Variants in RBFOX1 observed in about 807,000 individuals in gnomAD.
RBFOX1 encodes the protein RNA binding protein fox-1 homolog 1.
RBFOX1 carries 8 observed loss-of-function variants against 57.7 expected under a neutral mutation model. The observed-to-expected ratio is 0.14, with a 90% CI of 0.08 to 0.25. The LOEUF is 0.25. Ranked by LOEUF, RBFOX1 falls within the 10% of genes least tolerant of loss-of-function variation. The pLI, the probability that RBFOX1 is intolerant of heterozygous loss-of-function variation, is 1.00. For synonymous variants in RBFOX1, 326 were observed against 222.4 expected (o/e 1.47, Z -4.15); for missense variants, 611 against 548.5 (o/e 1.11, Z -1.14).
intron 10 of RBFOX1, among the ~76,000 whole-genome samples, chr16:7,616,451 C>T (rs547292208): frequency 1.4e-4 from 21 of 152,352 alleles, no homozygotes; most frequent in Non-Finnish European, 2.4e-4. Context: ...ACTCTCAAAC[C>T]TCAGCCCATG....
At chr16:5,738,961 G>C (rs558505400) in intron 3 of RBFOX1, among the ~76,000 whole-genome samples, 1 of 148,494 alleles carries the variant, frequency 6.7e-6, no homozygotes, top group African/African-American at 2.5e-5. Flanking sequence ...CTCTGACAAA[G>C]AACAGGCTAA....
chr16:7,247,239 A>T (rs750015915), intron 4 of RBFOX1, among the ~76,000 whole-genome samples: 1 of 152,106 alleles, frequency 6.6e-6, no homozygotes, highest in South Asian at 2.1e-4. Context: ...AGAAACTTCT[A>T]TTGTGCAAAC....
intron 3 of RBFOX1, among the ~76,000 whole-genome samples, chr16:6,728,496 G>T (rs1175215453): frequency 2.0e-5 from 3 of 152,180 alleles, no homozygotes; most frequent in African/African-American, 7.2e-5. Flanking sequence ...ATAAAGGGAA[G>T]ATAAAGTTTT....
At chr16:5,407,966 A>T (rs2066910661) in intron 1 of RBFOX1, among the ~76,000 whole-genome samples, 1 of 152,372 alleles carries the variant, frequency 6.6e-6, no homozygotes, top group Admixed American at 6.5e-5. Context: ...GAACAGCCTT[A>T]GGAAGATTCT....
intron 2 of RBFOX1, among the ~76,000 whole-genome samples, chr16:5,473,812 G>C (rs1304188425): frequency 3.3e-5 from 5 of 151,286 alleles, no homozygotes; most frequent in African/African-American, 1.2e-4. Flanking sequence ...GAAGGTGGGT[G>C]GGTGGAAGGA....
chr16:5,655,299 T>C (rs2049388826), intron 3 of RBFOX1, among the ~76,000 whole-genome samples: 2 of 152,168 alleles, frequency 1.3e-5, no homozygotes, highest in South Asian at 4.1e-4. Flanking sequence ...GTGGACTTGA[T>C]AGTTTTCACC....
intron 4 of RBFOX1, among the ~76,000 whole-genome samples, chr16:7,214,463 C>G (rs1055723495): frequency 6.6e-6 from 1 of 151,996 alleles, no homozygotes. Context: ...CTTGCCATGC[C>G]TCTCCGATCC....
chr16:7,634,190 C>G (rs568480842), intron 11 of RBFOX1, among the ~76,000 whole-genome samples: 1 of 152,256 alleles, frequency 6.6e-6, no homozygotes, highest in East Asian at 1.9e-4. Flanking sequence ...GTGTAGGATG[C>G]TCTTGTTTTT....
intron 1 of RBFOX1, among the ~76,000 whole-genome samples, chr16:6,061,654 A>C (rs188541811): frequency 6.6e-6 from 1 of 152,210 alleles, no homozygotes; most frequent in East Asian, 1.9e-4. Flanking sequence ...TTAACAATAT[A>C]AATAAATCTC....
intron 5 of RBFOX1, among the ~76,000 whole-genome samples, chr16:7,557,537 T>C (rs1042754763): frequency 2.8e-5 from 4 of 142,878 alleles, no homozygotes; most frequent in Admixed American, 2.2e-4. Context: ...GGAGAGTCAC[T>C]TGAACCTGGG....
At chr16:6,997,169 G>A (rs532240818) in intron 3 of RBFOX1, among the ~76,000 whole-genome samples, 1 of 152,188 alleles carries the variant, frequency 6.6e-6, no homozygotes, top group African/African-American at 2.4e-5. Flanking sequence ...AAATTAAATA[G>A]AGAATTATCT....
chr16:7,159,541 G>T (rs2077849402), intron 4 of RBFOX1, among the ~76,000 whole-genome samples: 1 of 152,182 alleles, frequency 6.6e-6, no homozygotes, highest in Non-Finnish European at 1.5e-5. Context: ...AGCTTCCATG[G>T]CAGAAGGCAG....
chr16:6,011,275 A>G (rs910184883), intron 4 of RBFOX1, among the ~76,000 whole-genome samples: 1 of 152,132 alleles, frequency 6.6e-6, no homozygotes, highest in Non-Finnish European at 1.5e-5. Flanking sequence ...GATAAGTCTC[A>G]TTTTTAACCT....
At chr16:5,760,122 A>G (rs1429073462) in intron 3 of RBFOX1, among the ~76,000 whole-genome samples, 1 of 152,128 alleles carries the variant, frequency 6.6e-6, no homozygotes, top group Non-Finnish European at 1.5e-5. Context: ...GTTACATATC[A>G]AATAAAGCAC....
At chr16:5,642,793 T>C (rs1228015758) in intron 3 of RBFOX1, among the ~76,000 whole-genome samples, 2 of 152,138 alleles carry the variant, frequency 1.3e-5, no homozygotes, top group South Asian at 2.1e-4. Context: ...TCTCCCCTGA[T>C]GTGTGTCTTA....
chr16:7,474,492 C>G (rs13335127), intron 4 of RBFOX1, among the ~76,000 whole-genome samples: 6,352 of 152,184 alleles, frequency 0.042, 452 homozygotes, highest in African/African-American at 0.14. Flanking sequence ...TGGCAGTGAC[C>G]CCAGTGACCT....
intron 1 of RBFOX1, among the ~76,000 whole-genome samples, chr16:5,409,798 C>G (rs549301583): frequency 2.0e-5 from 3 of 151,742 alleles, no homozygotes; most frequent in African/African-American, 7.3e-5. Flanking sequence ...ACCGGTAATC[C>G]CAGCACTTTG....
chr16:6,649,607 C>T (rs2098561435), intron 2 of RBFOX1, among the ~76,000 whole-genome samples: 7 of 152,170 alleles, frequency 4.6e-5, no homozygotes, highest in Admixed American at 2.6e-4. Context: ...TGAATGAGAA[C>T]ATGCAATGTT....
chr16:6,045,321 A>G (rs1362200023), intron 1 of RBFOX1, among the ~76,000 whole-genome samples: 2 of 152,170 alleles, frequency 1.3e-5, no homozygotes, highest in Non-Finnish European at 2.9e-5. Flanking sequence ...GTGAATGTTA[A>G]TGCTTGGGTG....
Sources: allele counts gnomAD v4.1 joint callset (sites outside exome capture counted in the v4.1 genomes callset), GRCh38; gene constraint gnomAD v4.1.1; transcripts MANE v1.5; gene names NCBI Gene and HGNC (gene_info 2026-07-23, HGNC 2026-07-21).